HEMK2: variants seen among roughly 807,000 people sequenced by gnomAD.
HEMK2 encodes the protein methyltransferase HEMK2.
the HEMK2 span, among the ~76,000 whole-genome samples, chr21:28,816,471 A>G: frequency 6.6e-6 from 1 of 152,194 alleles, no homozygotes; most frequent in Admixed American, 6.5e-5. Context: ...GAAATTCAAG[A>G]GCAGCCTGGG....
the HEMK2 span, among the ~76,000 whole-genome samples, chr21:28,862,358 C>CATCAGTACCAGCTACGACCAT: frequency 2.0e-5 from 3 of 149,056 alleles, no homozygotes; most frequent in African/African-American, 7.7e-5. Flanking sequence ...AGAAAGTAGT[C>CATCAGTACCAGCTACGACCAT]GCCGGGCGCG....
the HEMK2 span, among the ~76,000 whole-genome samples, chr21:28,792,546 C>CA: frequency 1.3e-5 from 2 of 152,162 alleles, no homozygotes; most frequent in African/African-American, 4.8e-5. Context: ...TTGTAAGAAA[C>CA]AGAGTCCCAT....
the HEMK2 span, among the ~76,000 whole-genome samples, chr21:28,737,645 T>G: frequency 2.6e-5 from 4 of 152,032 alleles, no homozygotes; most frequent in African/African-American, 9.7e-5. Flanking sequence ...CCCAGCTGCC[T>G]TAGAAATGTG....
the HEMK2 span, among the ~76,000 whole-genome samples, chr21:28,681,587 TGCTAA>T: frequency 6.6e-6 from 1 of 152,124 alleles, no homozygotes; most frequent in East Asian, 1.9e-4. Context: ...AAGCCTGCAT[TGCTAA>T]GTCAATCCTA....
chr21:28,863,448 A>C, the HEMK2 span, among the ~76,000 whole-genome samples: 3 of 89,558 alleles, frequency 3.3e-5, no homozygotes, highest in Non-Finnish European at 6.6e-5. Flanking sequence ...ATATATATAT[A>C]TATATATATA....
the HEMK2 span, among the ~76,000 whole-genome samples, chr21:28,847,840 C>T: frequency 2.0e-5 from 3 of 152,184 alleles, no homozygotes; most frequent in Admixed American, 1.3e-4. Context: ...CTGTATGTGG[C>T]TAGCCAGTTA....
chr21:28,680,835 T>C, the HEMK2 span, among the ~76,000 whole-genome samples: 4 of 152,188 alleles, frequency 2.6e-5, no homozygotes, highest in Non-Finnish European at 5.9e-5. Context: ...GAAAAGGCCT[T>C]TGACAAAATT....
chr21:28,583,318 G>T, the HEMK2 span, among the ~76,000 whole-genome samples: 4 of 152,256 alleles, frequency 2.6e-5, no homozygotes, highest in South Asian at 2.1e-4. Flanking sequence ...CCAATAGATG[G>T]TGTCTTAATT....
At chr21:28,821,765 T>C in the HEMK2 span, among the ~76,000 whole-genome samples, 1 of 152,236 alleles carries the variant, frequency 6.6e-6, no homozygotes, top group African/African-American at 2.4e-5. Context: ...TGCTAGAATA[T>C]ACTGGTGGCT....
chr21:28,769,842 C>G, the HEMK2 span, among the ~76,000 whole-genome samples: 1 of 152,152 alleles, frequency 6.6e-6, no homozygotes, highest in Non-Finnish European at 1.5e-5. Flanking sequence ...CTTTCTTATT[C>G]TGAATAATTT....
At chr21:28,821,331 G>A in the HEMK2 span, among the ~76,000 whole-genome samples, 1 of 152,074 alleles carries the variant, frequency 6.6e-6, no homozygotes, top group Non-Finnish European at 1.5e-5. Flanking sequence ...GCCCCACTGC[G>A]GGATTCTTAA....
the HEMK2 span, among the ~76,000 whole-genome samples, chr21:28,728,007 C>T: frequency 9.9e-5 from 15 of 152,138 alleles, no homozygotes; most frequent in Admixed American, 3.3e-4. Flanking sequence ...GAGATTGGAG[C>T]GATTCAGGGC....
chr21:28,605,469 C>T, the HEMK2 span, among the ~76,000 whole-genome samples: 1 of 152,266 alleles, frequency 6.6e-6, no homozygotes, highest in Middle Eastern at 3.4e-3. Flanking sequence ...TCAAATATGT[C>T]AAAAGCACTT....
At chr21:28,608,496 T>A in the HEMK2 span, among the ~76,000 whole-genome samples, 1 of 150,564 alleles carries the variant, frequency 6.6e-6, no homozygotes, top group South Asian at 2.1e-4. Flanking sequence ...GAGACCCACT[T>A]CATGAACTTT....
the HEMK2 span, among the ~76,000 whole-genome samples, chr21:28,852,949 C>T: frequency 6.6e-6 from 1 of 152,212 alleles, no homozygotes; most frequent in Non-Finnish European, 1.5e-5. Flanking sequence ...TGGTTGAGTG[C>T]TGCCACCTGG....
At chr21:28,808,770 T>A in the HEMK2 span, among the ~76,000 whole-genome samples, 6 of 152,184 alleles carry the variant, frequency 3.9e-5, no homozygotes, top group African/African-American at 1.2e-4. Flanking sequence ...TGTAGAACTC[T>A]TAGAACTATT....
the HEMK2 span, among the ~76,000 whole-genome samples, chr21:28,878,822 T>C: frequency 1.3e-5 from 2 of 151,238 alleles, no homozygotes; most frequent in Non-Finnish European, 2.9e-5. Context: ...AGAGACCTAC[T>C]GTACAGAAAC....
the HEMK2 span, among the ~76,000 whole-genome samples, chr21:28,725,464 C>CA: frequency 6.6e-6 from 1 of 152,158 alleles, no homozygotes; most frequent in South Asian, 2.1e-4. Flanking sequence ...GCTGCAAACT[C>CA]AGAGTGAATA....
At chr21:28,644,012 TTACC>T in the HEMK2 span, among the ~76,000 whole-genome samples, 1 of 152,160 alleles carries the variant, frequency 6.6e-6, no homozygotes, top group Non-Finnish European at 1.5e-5. Flanking sequence ...TGTGCAACAC[TTACC>T]TCCCAATTCC....
Sources: gnomAD v4.1 joint callset for allele counts (sites outside exome capture counted in the v4.1 genomes callset) on GRCh38, gnomAD v4.1.1 for gene constraint, MANE v1.5 for transcripts, NCBI Gene and HGNC (gene_info 2026-07-23, HGNC 2026-07-21) for gene names.